Variants in AVEN observed in about 807,000 individuals in gnomAD.
AVEN encodes the protein apoptosis and caspase activation inhibitor.
Under a neutral mutation model 38.1 loss-of-function variants are expected in AVEN, and 41 were observed. The observed-to-expected ratio is 1.08, with a 90% CI of 0.84 to 1.40. The LOEUF (loss-of-function observed/expected upper bound fraction) is 1.40. Among genes scored for constraint, AVEN ranks in the 40% most tolerant of loss-of-function variants. The pLI, the probability that AVEN is intolerant of heterozygous loss-of-function variation, is 0.00. For missense variants in AVEN, 605 were observed against 438.8 expected (o/e 1.38, Z -3.38); for synonymous variants, 206 against 171.8 (o/e 1.20, Z -1.56).
chr15:33,911,572 T>A (rs181774182), intron 2 of AVEN, among the ~76,000 whole-genome samples: 235 of 152,306 alleles, frequency 1.5e-3, no homozygotes, highest in African/African-American at 5.6e-3. Flanking sequence ...AAGCACAAAT[T>A]ACATTTGATA....
chr15:33,908,638 C>T (rs1212307144), intron 2 of AVEN, among the ~76,000 whole-genome samples: 2 of 152,184 alleles, frequency 1.3e-5, no homozygotes, highest in Non-Finnish European at 2.9e-5. Context: ...TTATTTGTCT[C>T]AGCAAGGTTC....
In AVEN at chr15:33,918,458, C is replaced by CTTTTT. The variant is rs33928063; in HGVS notation, c.446-42468_446-42464dup. ...GTGTCTTCCCAGTCTTAAATTACAG[C>CTTTTT]TTTTTTTTTTTTTTTTTTTTTTTTT... is the stretch of plus-strand genomic sequence containing the variant. On this transcript the variant is annotated intron_variant, in intron 2 of 5. Coordinates refer to ENST00000306730, the MANE Select transcript of AVEN (RefSeq NM_020371.3). Among the ~76,000 whole-genome samples, 90 of 84,508 alleles carry CTTTTT rather than the reference C, an allele frequency of 1.1e-3. 11 individuals are homozygous for CTTTTT. The highest frequency in any genetic ancestry group is 4.0e-3 in the African/African-American group (82 of 20,250). The allele number at this position is 84,508 out of a possible 152,430, so 55.4% of individuals were successfully genotyped here.
At chr15:33,905,942 T>C (rs1412726232) in intron 2 of AVEN, among the ~76,000 whole-genome samples, 2 of 152,198 alleles carry the variant, frequency 1.3e-5, no homozygotes, top group African/African-American at 4.8e-5. Flanking sequence ...GTCTTCCCTA[T>C]ATTTCTAGGA....
intron 2 of AVEN, among the ~76,000 whole-genome samples, chr15:33,993,330 T>A (rs1187060244): frequency 6.6e-6 from 1 of 152,198 alleles, no homozygotes; most frequent in Non-Finnish European, 1.5e-5. Flanking sequence ...CAGAAAGAGT[T>A]CTACAAAGAC....
chr15:34,034,365 C>T (rs1272425032), intron 1 of AVEN, among the ~76,000 whole-genome samples: 1 of 150,182 alleles, frequency 6.7e-6, no homozygotes, highest in Non-Finnish European at 1.5e-5. Context: ...CCCTTGAGTA[C>T]AGCAGTTGAA....
intron 2 of AVEN, among the ~76,000 whole-genome samples, chr15:33,879,636 A>T (rs1448991522): frequency 6.6e-6 from 1 of 152,172 alleles, no homozygotes; most frequent in African/African-American, 2.4e-5. Flanking sequence ...TTCTTTATCC[A>T]CCAGAAACAT....
intron 2 of AVEN, among the ~76,000 whole-genome samples, chr15:33,904,088 C>T (rs1892593382): frequency 6.6e-6 from 1 of 152,294 alleles, no homozygotes; most frequent in South Asian, 2.1e-4. Context: ...ACCAAAACAT[C>T]ATTATGCAGT....
chr15:34,046,803 G>A (rs1899702154), intron 5 of AVEN: 1 of 152,438 alleles, frequency 6.6e-6, no homozygotes, highest in South Asian at 2.1e-4. Context: ...AGAAAAGCAG[G>A]GTGGGGTGAC....
At chr15:34,074,200 G>A (rs1439244475) in intron 1 of AVEN, among the ~76,000 whole-genome samples, 1 of 151,216 alleles carries the variant, frequency 6.6e-6, no homozygotes, top group Non-Finnish European at 1.5e-5. Context: ...GTTTGACTAT[G>A]TTGGCCAGGC....
chr15:33,924,569 GC>G (rs1893541164), intron 2 of AVEN, among the ~76,000 whole-genome samples: 1 of 152,040 alleles, frequency 6.6e-6, no homozygotes, highest in Non-Finnish European at 1.5e-5. Flanking sequence ...CCATCCACCT[GC>G]CACAGCCTCT....
At chr15:33,993,155 GA>G (rs1190452883) in intron 2 of AVEN, among the ~76,000 whole-genome samples, 2 of 151,948 alleles carry the variant, frequency 1.3e-5, no homozygotes, top group African/African-American at 2.4e-5. Context: ...GACTTTTGGG[GA>G]AAAAAAATGA....
chr15:34,011,758 T>C (rs1897648225), intron 1 of AVEN, among the ~76,000 whole-genome samples: 1 of 152,204 alleles, frequency 6.6e-6, no homozygotes, highest in African/African-American at 2.4e-5. Context: ...ATGTGTGTCA[T>C]TTTGCTTCCA....
chr15:33,886,978 C>G lies in AVEN; in HGVS notation c.446-10983G>C, dbSNP rs540297915. Among the ~76,000 whole-genome samples, 4 of 152,268 alleles carry G rather than the reference C, an allele frequency of 2.6e-5. No individual in the cohort carries two copies. The East Asian group carries it at 7.7e-4, about 29-fold the overall frequency. ...GGAAAAATAGTTGAAGAAAAGGGGG[C>G]AGAAGGCATGCAGCATCTATCAATT... On this transcript the variant is annotated intron_variant, in intron 2 of 5. Coordinates refer to ENST00000306730, the MANE Select transcript of AVEN (RefSeq NM_020371.3).
intron 4 of AVEN, among the ~76,000 whole-genome samples, 157 bp downstream of exon 4, chr15:33,870,778 G>A (rs771554264): frequency 6.6e-6 from 1 of 151,942 alleles, no homozygotes; most frequent in Non-Finnish European, 1.5e-5. Context: ...AAAATTTTTG[G>A]ATTCTCCTTT....
chr15:33,936,553 T>G (rs184597092), intron 2 of AVEN, among the ~76,000 whole-genome samples: 2 of 152,100 alleles, frequency 1.3e-5, no homozygotes, highest in African/African-American at 4.8e-5. Context: ...TGTAAAGAAG[T>G]CAGTTCTCCC....
the AVEN span, chr15:33,853,502 A>G: frequency 6.3e-7 from 1 of 1,591,114 alleles, no homozygotes; most frequent in South Asian, 1.1e-5. Flanking sequence ...AGAGCTAGAA[A>G]ATATTTGGTG....
intron 2 of AVEN, among the ~76,000 whole-genome samples, chr15:33,895,934 C>A (rs1036917451): frequency 2.6e-5 from 4 of 152,186 alleles, no homozygotes; most frequent in African/African-American, 9.7e-5. Flanking sequence ...CCCCCTAATT[C>A]ATGCCTCCTA....
intron 2 of AVEN, among the ~76,000 whole-genome samples, chr15:33,914,430 T>C (rs573822913): frequency 2.0e-5 from 3 of 152,082 alleles, no homozygotes; most frequent in South Asian, 4.2e-4. Flanking sequence ...TTTTAATACA[T>C]AGGACTGGTA....
chr15:33,945,988 CAGTG>C (rs1169643478), intron 2 of AVEN, among the ~76,000 whole-genome samples: 1 of 152,142 alleles, frequency 6.6e-6, no homozygotes, highest in East Asian at 1.9e-4. Flanking sequence ...TTACTAACCT[CAGTG>C]AGAGCAGGAA....
Sources: gnomAD v4.1 joint callset for allele counts (sites outside exome capture counted in the v4.1 genomes callset) on GRCh38, gnomAD v4.1.1 for gene constraint, MANE v1.5 for transcripts, NCBI Gene and HGNC (gene_info 2026-07-23, HGNC 2026-07-21) for gene names.